Variants in EPAS1 observed in about 807,000 individuals in gnomAD.
The protein encoded by EPAS1 is endothelial PAS domain-containing protein 1.
In EPAS1, 23 loss-of-function variants were observed where a neutral mutation model predicts 87.9. The ratio of observed to expected loss-of-function variants is 0.26; its 90% confidence interval spans 0.19 to 0.37. The LOEUF is 0.37. EPAS1 is among the 10% of genes least tolerant of loss of function. The pLI is 1.00. For missense variants in EPAS1, 1,138 were observed against 1,120.7 expected, an observed-to-expected ratio of 1.02 and a Z score of -0.22; for synonymous variants, 508 against 444.3, an observed-to-expected ratio of 1.14 and a Z score of -1.80.
chr2:46,344,147 T>C (rs1186806807), intron 1 of EPAS1, among the ~76,000 whole-genome samples: 1 of 152,244 alleles, frequency 6.6e-6, no homozygotes, highest in Non-Finnish European at 1.5e-5. Flanking sequence ...AGGAAGAGTA[T>C]AATGAACTAA....
intron 1 of EPAS1, among the ~76,000 whole-genome samples, chr2:46,330,814 T>C (rs1157019579): frequency 1.3e-5 from 2 of 152,180 alleles, no homozygotes; most frequent in African/African-American, 2.4e-5. Flanking sequence ...CCTACAACCA[T>C]AGCCTCACGG....
chr2:46,329,876 C>T (rs1406849857), intron 1 of EPAS1, among the ~76,000 whole-genome samples: 3 of 152,160 alleles, frequency 2.0e-5, no homozygotes, highest in Non-Finnish European at 4.4e-5. Context: ...ACAAAAACAC[C>T]TCTGGCTGTC....
At chr2:46,350,392 G>A (rs548954042) in intron 2 of EPAS1, among the ~76,000 whole-genome samples, 5 of 152,332 alleles carry the variant, frequency 3.3e-5, no homozygotes, top group African/African-American at 1.2e-4. Flanking sequence ...TCTTTACTTA[G>A]TAACACGTTT....
chr2:46,302,700 T>C lies in EPAS1; in HGVS notation c.26+4763T>C, dbSNP rs374874519. Among the ~76,000 whole-genome samples the C allele has an allele frequency of 1.1e-4, 16 of 141,174 alleles. No homozygotes were observed. In the South Asian group the frequency reaches 2.0e-3, roughly 18 times the overall value. The allele number at this position is 141,174 out of a possible 152,430, so 92.6% of individuals were successfully genotyped here. On this transcript the variant is annotated intron_variant, in intron 1 of 15. Transcript: ENST00000263734. ...AGAGAATACTAAGAAATAGGGGATA[T>C]GGTCCTGGTCATCAAGTTGCTTAGT...
intron 1 of EPAS1, among the ~76,000 whole-genome samples, chr2:46,333,940 G>A (rs115817144): frequency 9.2e-5 from 14 of 152,200 alleles, no homozygotes; most frequent in Non-Finnish European, 1.2e-4. Flanking sequence ...CAGAGGAGGC[G>A]TGTGCCCTGG....
intron 1 of EPAS1, among the ~76,000 whole-genome samples, chr2:46,308,158 T>C (rs1041599870): frequency 6.6e-6 from 1 of 152,184 alleles, no homozygotes; most frequent in Non-Finnish European, 1.5e-5. Flanking sequence ...TCCCTCACAC[T>C]AGCTCCTCCA....
rs184727038 is a variant in EPAS1 at position 46,345,742 on chromosome 2, A to C, written c.27-1131A>C. ...GCCTTTCTCCTATATAATTTATAGG[A>C]AGTATTATGTATAATACATTTCTGT... On this transcript the variant is annotated intron_variant, in intron 1 of 15. Transcript: ENST00000263734. Among the ~76,000 whole-genome samples, 9 of 152,330 alleles carry C rather than the reference A, an allele frequency of 5.9e-5. No homozygotes were observed. In the East Asian group the frequency reaches 1.7e-3, roughly 29 times the overall value.
Position 46,369,949 on chromosome 2 carries a change from GC to G in EPAS1, c.886+20del. Reference sequence around the variant, plus strand: ...CACCAGAACTGTGAGTTCCAGGAGTGCCCCTTGTGGCTTCCTTGTGTCTGTG... The same window carrying G: ...CACCAGAACTGTGAGTTCCAGGAGTGCCCTTGTGGCTTCCTTGTGTCTGTG... On this transcript the variant is annotated intron_variant, in intron 7 of 15. Transcript: ENST00000263734. 1 of 1,581,636 alleles carries G rather than the reference GC, an allele frequency of 6.3e-7. No individual in the cohort carries two copies. The highest frequency in any genetic ancestry group is 8.7e-7 in the Non-Finnish European group (1 of 1,154,804).
intron 11 of EPAS1, among the ~76,000 whole-genome samples, 175 bp downstream of exon 11, chr2:46,378,942 C>G (rs746228291): frequency 1.6e-4 from 24 of 152,198 alleles, no homozygotes; most frequent in Non-Finnish European, 2.4e-4. Context: ...CTGTGGTCAC[C>G]CCCTCCTCCC....
chr2:46,306,228 C>T (rs538890917), intron 1 of EPAS1, among the ~76,000 whole-genome samples: 2 of 152,180 alleles, frequency 1.3e-5, no homozygotes, highest in Non-Finnish European at 2.9e-5. Flanking sequence ...AAAATACACA[C>T]ATTTCACTTT....
chr2:46,354,970 C>T (rs568683542), intron 2 of EPAS1, among the ~76,000 whole-genome samples: 1 of 152,250 alleles, frequency 6.6e-6, no homozygotes, highest in Admixed American at 6.5e-5. Context: ...AGAGTGAAAT[C>T]TGTTTTTTCT....
intron 1 of EPAS1, among the ~76,000 whole-genome samples, chr2:46,306,191 T>G (rs570501267): frequency 7.9e-5 from 12 of 152,242 alleles, no homozygotes; most frequent in Non-Finnish European, 1.6e-4. Flanking sequence ...TATCTGTCTC[T>G]CGATGTTGTA....
Position 46,382,044 on chromosome 2 carries a change from T to G in EPAS1, c.2242T>G (p.Cys748Gly), listed in dbSNP as rs1454662879. Residue 748 changes from cysteine (C) to glycine (G), a missense_variant, in exon 14 of 16, where the codon TGC becomes GGC. By Grantham distance (159) the Cys-to-Gly change is radical (BLOSUM62 -3). Transcript: ENST00000263734. ...GATGAAGAACCTCAGGGGTGGGAGC[T>G]GCCCTTTGATGCCGGACAAGCCACT... Reference protein sequence around the residue: ...KRMKNLRGGSCPLMPDKPLSA... With the variant: ...KRMKNLRGGSGPLMPDKPLSA... The G allele has an allele frequency of 6.2e-7, 1 of 1,613,914 alleles. No homozygotes were observed. Among genetic ancestry groups the G allele is most frequent in the Non-Finnish European group, 8.5e-7 (1 of 1,180,016 alleles).
chr2:46,312,201 T>C (rs1683225092), intron 1 of EPAS1, among the ~76,000 whole-genome samples: 1 of 152,186 alleles, frequency 6.6e-6, no homozygotes, highest in African/African-American at 2.4e-5. Context: ...CCAAACGGAT[T>C]GTAAATGCTC....
chr2:46,356,318 A>C lies in EPAS1; in HGVS notation c.369+16A>C, dbSNP rs1011117283. On this transcript the variant is annotated intron_variant, in intron 3 of 15. Transcript: ENST00000263734. ...ACTTACACAGGTGACACCCTCCTCTATCTCTTTCAAAAGAAGAAATGTTTC... is the reference window on the plus strand; with the variant it reads ...ACTTACACAGGTGACACCCTCCTCTCTCTCTTTCAAAAGAAGAAATGTTTC... 1.2e-6 allele frequency: 2 copies of C among 1,613,758 alleles called. No homozygotes were observed. Among genetic ancestry groups the C allele is most frequent in the Admixed American group, 3.3e-5 (2 of 60,012 alleles).
intron 7 of EPAS1, among the ~76,000 whole-genome samples, chr2:46,372,215 G>A (rs1446106079): frequency 6.6e-6 from 1 of 152,142 alleles, no homozygotes; most frequent in East Asian, 1.9e-4. Context: ...GCTAGCAAAG[G>A]GACAAACCCA....
intron 4 of EPAS1, among the ~76,000 whole-genome samples, chr2:46,357,097 C>G (rs1049028581): frequency 1.3e-5 from 2 of 152,214 alleles, no homozygotes; most frequent in African/African-American, 4.8e-5. Flanking sequence ...AAGAGTCAAG[C>G]ATCTCTGCCA....
intron 7 of EPAS1, among the ~76,000 whole-genome samples, chr2:46,373,657 A>G (rs939739181): frequency 6.6e-6 from 1 of 152,186 alleles, no homozygotes; most frequent in Non-Finnish European, 1.5e-5. Context: ...CCAGAGGCAT[A>G]AAAAATGGGG....
chr2:46,298,667 A>G (rs1682935629), intron 1 of EPAS1, among the ~76,000 whole-genome samples: 1 of 152,212 alleles, frequency 6.6e-6, no homozygotes, highest in Admixed American at 6.5e-5. Flanking sequence ...CTGTCTCCGA[A>G]GAGGACAGAG....
Sources: allele counts gnomAD v4.1 joint callset (sites outside exome capture counted in the v4.1 genomes callset), GRCh38; gene constraint gnomAD v4.1.1; transcripts MANE v1.5; gene names NCBI Gene and HGNC (gene_info 2026-07-23, HGNC 2026-07-21).